Variants in TEX38 observed in about 807,000 individuals in gnomAD.
TEX38 encodes testis expressed 38, also known as testis-expressed protein 38.
TEX38 carries 5 observed loss-of-function variants against 2.7 expected under a neutral mutation model. The observed-to-expected ratio is 1.86, with a 90% CI of 0.97 to 3.90. The LOEUF is 3.90. Ranked by LOEUF, TEX38 falls within the 30% of genes most tolerant of loss-of-function variation. TEX38 has a pLI of 0.00. For missense variants in TEX38, 218 were observed against 247.9 expected (o/e 0.88, Z 0.81); for synonymous variants, 110 against 103.3 (o/e 1.06, Z -0.39).
In TEX38 at chr1:46,673,579, A is replaced by G. The variant is rs1310090604; in HGVS notation, c.*123A>G. ...CTGGATGTCATGCTATGAAACATTA[A>G]AAGAAAAAAAAAAAAGTCCAAGGCT... On this transcript the variant is annotated 3_prime_UTR_variant, in exon 2 of 2. Transcript: ENST00000334122. 6.1e-5 allele frequency: 50 copies of G among 813,862 alleles called. No individual in the cohort carries two copies. The East Asian group carries it at 1.1e-3, about 18-fold the overall frequency. The allele number at this position is 813,862 out of a possible 1,614,324, so 50.4% of individuals were successfully genotyped here. A position where few individuals can be genotyped will look rare whatever the true frequency, so the allele number is the denominator to read the frequency against.
At chr1:46,672,817 G>A in intron 1 of TEX38, 56 bp from the exon 2 acceptor site, 1 of 1,457,826 alleles carries the variant, frequency 6.9e-7, no homozygotes, top group Non-Finnish European at 9.3e-7. Flanking sequence ...AAACAGCTCA[G>A]GCCCCAAGCT....
Position 46,673,270 on chromosome 1 carries a change from C to G in TEX38, c.435C>G (p.Phe145Leu). 6.4e-7 allele frequency: 1 copy of G among 1,551,542 alleles called. No individual in the cohort carries two copies. Among genetic ancestry groups the G allele is most frequent in the Non-Finnish European group, 8.7e-7 (1 of 1,146,930 alleles). ...AGCAGCCCCAGGCCAGATCCCCATT[C>G]CCACTTCCCATCTTTCAGGAGGTGC... ...APQQPQARSP[F>L]PLPIFQEVPF... Residue 145 changes from phenylalanine (F) to leucine (L), a missense_variant, in exon 2 of 2, where the codon TTC becomes TTG. Coordinates refer to ENST00000334122, the MANE Select transcript of TEX38 (RefSeq NM_001145474.4).
At chr1:46,671,844 T>C (rs1767602), upstream of TEX38, 3,031 of 1,342,656 alleles carry the variant, frequency 2.3e-3, 15 homozygotes, top group South Asian at 6.1e-3. Flanking sequence ...GAGACTCTGA[T>C]TGGCTGGGCA....
chr1:46,668,944 G>C (rs1676545675), upstream of TEX38: 1 of 155,022 alleles, frequency 6.5e-6, no homozygotes, highest in Non-Finnish European at 1.4e-5. This position sits in a 1 kb window ranked among gnomAD's most constrained non-coding sequence, Gnocchi z 4.4. Context: ...CTTTTCCTCT[G>C]CTTCCTGACA....
chr1:46,673,493 G>A lies in TEX38; in HGVS notation c.*37G>A. The A allele has an allele frequency of 3.3e-6, 5 of 1,498,792 alleles. No individual in the cohort carries two copies. Among genetic ancestry groups the A allele is most frequent in the Non-Finnish European group, 4.5e-6 (5 of 1,115,740 alleles). The allele number at this position is 1,498,792 out of a possible 1,614,324, so 92.8% of individuals were successfully genotyped here. On this transcript the variant is annotated 3_prime_UTR_variant, in exon 2 of 2. Coordinates refer to ENST00000334122, the MANE Select transcript of TEX38 (RefSeq NM_001145474.4). Reference sequence around the variant, plus strand: ...TGAAGGTGGGAGCTGCAGGAATCAGGTGCAGAGTAGGAAATGGAACTAACC... The same window carrying A: ...TGAAGGTGGGAGCTGCAGGAATCAGATGCAGAGTAGGAAATGGAACTAACC...
At chr1:46,669,452 C>A (rs1184449572), upstream of TEX38, 2 of 456,068 alleles carry the variant, frequency 4.4e-6, no homozygotes, top group East Asian at 1.4e-4. Flanking sequence ...TGGCTGCCTC[C>A]TCATCATCTA....
chr1:46,669,134 G>A (rs945618614), upstream of TEX38: 2 of 251,492 alleles, frequency 8.0e-6, no homozygotes, highest in East Asian at 1.6e-4. Context: ...CCTAGGGTCA[G>A]GGACAGTGAC....
At chr1:46,669,604 T>G (rs978510472), upstream of TEX38, 1 of 425,802 alleles carries the variant, frequency 2.3e-6, no homozygotes, top group African/African-American at 2.0e-5. Flanking sequence ...TTGTTTATAT[T>G]AATTCATTGA....
In TEX38 at chr1:46,673,474, T is replaced by G; in HGVS notation, c.*18T>G. 2 of 1,530,072 alleles carry G rather than the reference T, an allele frequency of 1.3e-6. No individual in the cohort carries two copies. The highest frequency in any genetic ancestry group is 2.5e-5 in the South Asian group (2 of 81,486). The allele number at this position is 1,530,072 out of a possible 1,614,324, so 94.8% of individuals were successfully genotyped here. A position where few individuals can be genotyped will look rare whatever the true frequency, so the allele number is the denominator to read the frequency against. On this transcript the variant is annotated 3_prime_UTR_variant, in exon 2 of 2. Coordinates refer to ENST00000334122, the MANE Select transcript of TEX38 (RefSeq NM_001145474.4). Reference sequence around the variant, plus strand: ...AACTGTAGCCTCCTCTCACTGAAGGTGGGAGCTGCAGGAATCAGGTGCAGA... The same window carrying G: ...AACTGTAGCCTCCTCTCACTGAAGGGGGGAGCTGCAGGAATCAGGTGCAGA...
chr1:46,672,967 G>C lies in TEX38; in HGVS notation c.132G>C (p.Arg44=), dbSNP rs1397059690. ...IFLHWRKNLR[R]EEHAQQWVEV... ...TGCACTGGAGGAAGAACTTGAGGCG[G>C]GAAGAGCATGCCCAGCAGTGGGTGG... The change falls in exon 2 of 2, where the codon CGG becomes CGC. Residue 44 remains arginine (R), a synonymous_variant. Transcript: ENST00000334122. 47 of 1,551,616 alleles carry C rather than the reference G, an allele frequency of 3.0e-5. No individual in the cohort carries two copies. The highest frequency in any genetic ancestry group is 3.7e-5 in the Non-Finnish European group (42 of 1,147,006).
At position 46,673,084 on chromosome 1, in the gene TEX38, G is replaced by C. The variant is rs890721100; in HGVS notation, c.249G>C (p.Thr83=). 6.4e-7 allele frequency: 1 copy of C among 1,551,674 alleles called. No homozygotes were observed. Among genetic ancestry groups the C allele is most frequent in the Admixed American group, 2.0e-5 (1 of 51,008 alleles). Residue 83 remains threonine (T), a synonymous_variant, in exon 2 of 2, where the codon ACG becomes ACC. Coordinates refer to ENST00000334122, the MANE Select transcript of TEX38 (RefSeq NM_001145474.4). The part of the protein sequence containing the change: ...RRYGMNAAIN[T]GPAPAVTKTE... ...ACGGCATGAATGCAGCCATCAACAC[G>C]GGCCCTGCCCCTGCTGTCACCAAGA... is the stretch of plus-strand genomic sequence containing the variant.
chr1:46,672,629 C>T (rs374440459), intron 1 of TEX38, among the ~76,000 whole-genome samples: 74 of 152,228 alleles, frequency 4.9e-4, no homozygotes, highest in African/African-American at 1.6e-3. Context: ...CACATGCCCC[C>T]GCTAGACCTA....
rs75764830 is a variant in TEX38 at position 46,673,468 on chromosome 1, T to C, written c.*12T>C. 4,225 of 1,534,264 alleles carry C rather than the reference T, an allele frequency of 2.8e-3. 106 individuals are homozygous for C. The African/African-American group carries it at 0.05, about 18-fold the overall frequency. On this transcript the variant is annotated 3_prime_UTR_variant, in exon 2 of 2. Coordinates refer to ENST00000334122, the MANE Select transcript of TEX38 (RefSeq NM_001145474.4). ...CTTCAGAACTGTAGCCTCCTCTCAC[T>C]GAAGGTGGGAGCTGCAGGAATCAGG...
upstream of TEX38, chr1:46,669,442 T>A: frequency 2.2e-6 from 1 of 456,094 alleles, no homozygotes; most frequent in Non-Finnish European, 4.4e-6. Flanking sequence ...GATCTGCATG[T>A]GGCTGCCTCC....
upstream of TEX38, chr1:46,671,683 G>C (rs1418326767): frequency 1.9e-6 from 1 of 526,600 alleles, no homozygotes; most frequent in Non-Finnish European, 3.4e-6. Context: ...TCTGATGGAA[G>C]TAGTAGTGAC....
chr1:46,672,965 C>G lies in TEX38; in HGVS notation c.130C>G (p.Arg44Gly), dbSNP rs142885686. Residue 44 changes from arginine (R) to glycine (G), a missense_variant, in exon 2 of 2, where the codon CGG becomes GGG. Coordinates refer to ENST00000334122, the MANE Select transcript of TEX38 (RefSeq NM_001145474.4). ...TCTGCACTGGAGGAAGAACTTGAGGCGGGAAGAGCATGCCCAGCAGTGGGT... is the reference window on the plus strand; with the variant it reads ...TCTGCACTGGAGGAAGAACTTGAGGGGGGAAGAGCATGCCCAGCAGTGGGT... ...IFLHWRKNLR[R>G]EEHAQQWVEV... 1.3e-6 allele frequency: 2 copies of G among 1,551,660 alleles called. No homozygotes were observed. Among genetic ancestry groups the G allele is most frequent in the East Asian group, 4.9e-5 (2 of 40,922 alleles).
upstream of TEX38, among the ~76,000 whole-genome samples, chr1:46,670,274 T>TG (rs1166397286): frequency 1.3e-5 from 2 of 152,212 alleles, no homozygotes; most frequent in African/African-American, 4.8e-5. Flanking sequence ...ATCTTGCTGA[T>TG]GGAGTCAGTG....
chr1:46,670,977 T>G (rs185839535), upstream of TEX38, among the ~76,000 whole-genome samples: 3 of 152,208 alleles, frequency 2.0e-5, no homozygotes, highest in African/African-American at 7.2e-5. Context: ...CCAGGGAGAT[T>G]AGTTGCTGTG....
upstream of TEX38, among the ~76,000 whole-genome samples, chr1:46,671,458 T>A (rs1324197958): frequency 6.6e-6 from 1 of 152,230 alleles, no homozygotes; most frequent in Non-Finnish European, 1.5e-5. Flanking sequence ...GCAGGTTTCT[T>A]CCTGCCAACT....
Sources: allele counts gnomAD v4.1 joint callset (sites outside exome capture counted in the v4.1 genomes callset), GRCh38; gene constraint gnomAD v4.1.1; non-coding constraint Gnocchi (gnomAD v3.1); transcripts MANE v1.5; gene names NCBI Gene and HGNC (gene_info 2026-07-23, HGNC 2026-07-21).